Variants in USP28 observed in about 807,000 individuals in gnomAD.
USP28 encodes ubiquitin specific peptidase 28.
In USP28, 113 loss-of-function variants were observed where a neutral mutation model predicts 145.0. That is an observed-to-expected ratio of 0.78 (90% CI 0.67 to 0.91). The LOEUF is 0.91. Among genes scored for constraint, USP28 ranks in the 40% least tolerant of loss-of-function variants. The pLI, the probability that USP28 is intolerant of heterozygous loss-of-function variation, is 0.00. For synonymous variants in USP28, 447 were observed against 450.9 expected (o/e 0.99, Z 0.11); for missense variants, 1,201 against 1,289.6 (o/e 0.93, Z 1.05).
At chr11:113,845,446 ATT>A (rs60239800) in intron 3 of USP28, among the ~76,000 whole-genome samples, 1 of 150,804 alleles carries the variant, frequency 6.6e-6, no homozygotes, top group Admixed American at 6.7e-5. Context: ...AAAAAAAAAA[ATT>A]AATAAATAAA....
At chr11:113,848,755 T>A (rs955002477) in intron 3 of USP28, among the ~76,000 whole-genome samples, 3 of 152,200 alleles carry the variant, frequency 2.0e-5, no homozygotes, top group African/African-American at 7.2e-5. Flanking sequence ...ACAGAAGGCA[T>A]GTAAACTTGT....
intron 1 of USP28, among the ~76,000 whole-genome samples, chr11:113,867,105 G>A (rs917283800): frequency 6.6e-6 from 1 of 152,222 alleles, no homozygotes; most frequent in Non-Finnish European, 1.5e-5. Context: ...GAGACAGAAA[G>A]TAGATTGGTA....
At chr11:113,807,991 C>A (rs1940303724) in intron 18 of USP28, 2 of 1,197,192 alleles carry the variant, frequency 1.7e-6, no homozygotes, top group Middle Eastern at 2.3e-4. Context: ...AACCAGAATC[C>A]TTCCCACACT....
intron 1 of USP28, among the ~76,000 whole-genome samples, chr11:113,873,183 G>A (rs1665840136): frequency 6.6e-6 from 1 of 152,228 alleles, no homozygotes; most frequent in Non-Finnish European, 1.5e-5. Context: ...AGATGAGGAA[G>A]AAGTTATTAA....
chr11:113,872,449 T>C (rs892283366), intron 1 of USP28, among the ~76,000 whole-genome samples: 1 of 150,252 alleles, frequency 6.7e-6, no homozygotes, highest in Non-Finnish European at 1.5e-5. Flanking sequence ...ATCGCGCCAC[T>C]GCACTTCAGC....
intron 5 of USP28, among the ~76,000 whole-genome samples, chr11:113,836,278 T>C (rs1944561475): frequency 6.6e-6 from 1 of 152,124 alleles, no homozygotes; most frequent in Admixed American, 6.5e-5. Flanking sequence ...CATTCACATC[T>C]AGTAAGTAAC....
chr11:113,840,836 T>C lies in USP28; in HGVS notation c.375-79A>G, dbSNP rs1028455180. 8 of 1,487,456 alleles carry C rather than the reference T, an allele frequency of 5.4e-6. No individual in the cohort carries two copies. In the African/African-American group the frequency reaches 1.1e-4, roughly 21 times the overall value. The allele number at this position is 1,487,456 out of a possible 1,614,324, so 92.1% of individuals were successfully genotyped here. The stretch of plus-strand genomic sequence containing the variant: ...TAGCATATGGAGGATGCTATAACTT[T>C]TCGTGGATAATTCAAAACACCAGAA... On this transcript the variant is annotated intron_variant, in intron 4 of 24. Transcript: ENST00000003302.
At chr11:113,871,702 G>A (rs1948835776) in intron 1 of USP28, among the ~76,000 whole-genome samples, 2 of 152,286 alleles carry the variant, frequency 1.3e-5, no homozygotes, top group South Asian at 4.1e-4. Flanking sequence ...AGGGAGAGGG[G>A]GACAAAACAG....
Position 113,799,000 on chromosome 11 carries a change from G to A in USP28, c.*240C>T, listed in dbSNP as rs546618541. On this transcript the variant is annotated 3_prime_UTR_variant, in exon 25 of 25. Transcript: ENST00000003302. ...TACAAGGCATTTCAGGTCTTCTGGC[G>A]TAATTCAACACCTTAATACACTGCT... 3.6e-5 allele frequency: 12 copies of A among 332,608 alleles called. No homozygotes were observed. The South Asian group carries it at 5.4e-4, about 15-fold the overall frequency. 20.6% of individuals were successfully genotyped at this position (332,608 alleles called of 1,614,324 possible). A position where few individuals can be genotyped will look rare whatever the true frequency, so the allele number is the denominator to read the frequency against.
chr11:113,856,200 A>G lies in USP28; in HGVS notation c.58-1865T>C, dbSNP rs184666344. ...TTCTAATTCCATTTGATTTTACTGTATAAAAGCGGTATGAATCTATGTATC... is the reference window on the plus strand; with the variant it reads ...TTCTAATTCCATTTGATTTTACTGTGTAAAAGCGGTATGAATCTATGTATC... On this transcript the variant is annotated intron_variant, in intron 1 of 24. Transcript: ENST00000003302. Among the ~76,000 whole-genome samples, 98 of 152,356 alleles carry G rather than the reference A, an allele frequency of 6.4e-4. 1 individual carries two copies. Among genetic ancestry groups the G allele is most frequent in the Admixed American group, 5.2e-3 (80 of 15,306 alleles).
chr11:113,823,607 T>C (rs1314932637), exon 12 of USP28: 1 of 1,610,122 alleles, frequency 6.2e-7, no homozygotes, highest in East Asian at 2.2e-5. Context: ...AAACTCACCT[T>C]TCCAATTTTT....
chr11:113,841,644 T>A lies in USP28; in HGVS notation c.374+19A>T, dbSNP rs771246052. On this transcript the variant is annotated intron_variant, in intron 4 of 24. Transcript: ENST00000003302. ...ACACACAAATGTGGGGGGCAAGAAT[T>A]ATAAGTTAAATCAATAACCTGTTAA... 1 of 1,548,952 alleles carries A rather than the reference T, an allele frequency of 6.5e-7. No homozygotes were observed. The highest frequency in any genetic ancestry group is 2.3e-5 in the East Asian group (1 of 44,210).
chr11:113,856,798 C>T (rs111691619), intron 1 of USP28, among the ~76,000 whole-genome samples: 7,368 of 152,018 alleles, frequency 0.048, 521 homozygotes, highest in East Asian at 0.3. Flanking sequence ...CTGCAACCTC[C>T]GACTCCCGGG....
chr11:113,828,142 TACCA>T (rs984607259), intron 10 of USP28, among the ~76,000 whole-genome samples: 29 of 152,358 alleles, frequency 1.9e-4, no homozygotes, highest in African/African-American at 6.5e-4. Context: ...ATATTTCCTT[TACCA>T]CAAGTGCAAG....
Position 113,799,274 on chromosome 11 carries a change from G to T in USP28, c.3200C>A (p.Ser1067Ter). 1 of 1,613,780 alleles carries T rather than the reference G, an allele frequency of 6.2e-7. No individual in the cohort carries two copies. The highest frequency in any genetic ancestry group is 1.1e-5 in the South Asian group (1 of 90,976). ...TGTCACAGTTGAAACTCCCTGAATT[G>T]ACTCCATGACAGCTGCAAATCGGCT... Residue 1067 changes from serine to a stop codon, truncating the protein, a stop_gained, in exon 25 of 25, where the codon TCA (serine) becomes TAA (stop). Transcript: ENST00000003302. LOFTEE classifies it high-confidence loss of function.
At chr11:113,808,211 G>C (rs1940355144) in intron 18 of USP28, 75 bp from the exon 19 acceptor site, 1 of 1,559,052 alleles carries the variant, frequency 6.4e-7, no homozygotes, top group Non-Finnish European at 8.6e-7. Flanking sequence ...AGGCAGCAGA[G>C]ACACAGAATA....
rs764478791 is a variant in USP28, at chr11:113,808,446, G to A, written c.2165-9C>T. On this transcript the variant is annotated splice_polypyrimidine_tract_variant and intron_variant, in intron 17 of 24. Coordinates refer to ENST00000003302, the Ensembl canonical transcript of USP28. ...AGAGGCTACTGAAGGCTCTGATAAA[G>A]AATTGAACAAAGGTCTTAGCATCTA... 1.9e-6 allele frequency: 3 copies of A among 1,613,696 alleles called. No homozygotes were observed. In the Admixed American group the frequency reaches 5.0e-5, roughly 27 times the overall value.
rs549481255 is a variant in USP28, at chr11:113,832,035, C to T, written c.760-42G>A. 1.1e-5 allele frequency: 16 copies of T among 1,500,298 alleles called. No homozygotes were observed. In the South Asian group the frequency reaches 1.6e-4, roughly 15 times the overall value. The allele number at this position is 1,500,298 out of a possible 1,614,324, so 92.9% of individuals were successfully genotyped here. A position where few individuals can be genotyped will look rare whatever the true frequency, so the allele number is the denominator to read the frequency against. ...AATTGCATAAAAGTTAGATGCAATACTAAGAGAAATTAAAATTTATCCTTA... is the reference window on the plus strand; with the variant it reads ...AATTGCATAAAAGTTAGATGCAATATTAAGAGAAATTAAAATTTATCCTTA... On this transcript the variant is annotated intron_variant, in intron 7 of 24. Coordinates refer to ENST00000003302, the Ensembl canonical transcript of USP28.
intron 12 of USP28, among the ~76,000 whole-genome samples, chr11:113,819,390 G>C (rs1300280182): frequency 6.6e-6 from 1 of 152,178 alleles, no homozygotes; most frequent in Non-Finnish European, 1.5e-5. Flanking sequence ...TGGGATTACA[G>C]GTGTGAGCCA....
Sources: allele counts gnomAD v4.1 joint callset (sites outside exome capture counted in the v4.1 genomes callset), GRCh38; gene constraint gnomAD v4.1.1; transcripts MANE v1.5; gene names NCBI Gene and HGNC (gene_info 2026-07-23, HGNC 2026-07-21).